COL26A1: variants seen among roughly 807,000 people sequenced by gnomAD.
The protein encoded by COL26A1 is collagen type XXVI alpha 1 chain, also known as collagen alpha-1(XXVI) chain.
COL26A1 carries 41 observed loss-of-function variants against 59.3 expected under a neutral mutation model. The observed-to-expected ratio is 0.69, with a 90% CI of 0.54 to 0.90. The LOEUF (loss-of-function observed/expected upper bound fraction) is 0.90. Ranked by LOEUF, COL26A1 falls within the 40% of genes least tolerant of loss-of-function variation. The probability of loss-of-function intolerance (pLI) is 0.00; values close to 1 mark genes in which losing one functional copy is unlikely to be tolerated. For missense variants in COL26A1, 612 were observed against 602.3 expected (o/e 1.02, Z -0.17); for synonymous variants, 266 against 256.0 (o/e 1.04, Z -0.37).
At chr7:101,446,142 T>C (rs1027169740) in intron 2 of COL26A1, among the ~76,000 whole-genome samples, 8 of 151,578 alleles carry the variant, frequency 5.3e-5, no homozygotes, top group African/African-American at 1.9e-4. Context: ...CAGAACCCAC[T>C]TATCACCAAG....
At chr7:101,473,358 G>C (rs555933772) in intron 3 of COL26A1, among the ~76,000 whole-genome samples, 2 of 152,220 alleles carry the variant, frequency 1.3e-5, no homozygotes, top group East Asian at 3.9e-4. Flanking sequence ...TTACAGGCGT[G>C]AGCCACTGCG....
At chr7:101,444,070 A>G (rs1793125896) in intron 2 of COL26A1, among the ~76,000 whole-genome samples, 1 of 151,560 alleles carries the variant, frequency 6.6e-6, no homozygotes. Context: ...TAGAGACAGC[A>G]TCTTGGTATA....
intron 1 of COL26A1, among the ~76,000 whole-genome samples, chr7:101,393,185 G>A (rs376207729): frequency 6.6e-6 from 1 of 151,906 alleles, no homozygotes; most frequent in African/African-American, 2.4e-5. Context: ...TGTAATTTTA[G>A]TACAGACAGG....
intron 2 of COL26A1, among the ~76,000 whole-genome samples, chr7:101,440,027 C>A (rs913341760): frequency 2.0e-5 from 3 of 152,126 alleles, no homozygotes; most frequent in African/African-American, 7.2e-5. Context: ...TATGTACACC[C>A]TGTTTTTGAG....
chr7:101,381,611 C>T (rs974733186), intron 1 of COL26A1, among the ~76,000 whole-genome samples: 1 of 152,096 alleles, frequency 6.6e-6, no homozygotes, highest in Non-Finnish European at 1.5e-5. Flanking sequence ...AGAGAAAGAG[C>T]GAGAGATTAA....
intron 3 of COL26A1, among the ~76,000 whole-genome samples, chr7:101,507,542 A>G (rs1414301710): frequency 4.6e-5 from 7 of 152,078 alleles, no homozygotes; most frequent in Admixed American, 4.6e-4. Flanking sequence ...CCACTTCCCC[A>G]TCCTGAGTAG....
chr7:101,532,398 TC>T (rs1795389017), intron 3 of COL26A1, among the ~76,000 whole-genome samples: 2 of 152,306 alleles, frequency 1.3e-5, no homozygotes, highest in South Asian at 4.1e-4. Flanking sequence ...CCTTGACCTT[TC>T]CAGCCTTGGC....
chr7:101,392,686 G>A (rs1791762123), intron 1 of COL26A1, among the ~76,000 whole-genome samples: 1 of 152,078 alleles, frequency 6.6e-6, no homozygotes, highest in African/African-American at 2.4e-5. Flanking sequence ...ACAGGGATGA[G>A]CCATTGCACC....
At chr7:101,467,226 A>G (rs1490414689) in intron 3 of COL26A1, among the ~76,000 whole-genome samples, 2 of 151,984 alleles carry the variant, frequency 1.3e-5, no homozygotes, top group Non-Finnish European at 2.9e-5. Flanking sequence ...AATCAAAGAC[A>G]TGGACCCACA....
At position 101,544,099 on chromosome 7, in the gene COL26A1, A is replaced by G. The variant is rs1377348500; in HGVS notation, c.703+3A>G. The G allele has an allele frequency of 1.9e-6, 3 of 1,595,426 alleles. No homozygotes were observed. Among genetic ancestry groups the G allele is most frequent in the Non-Finnish European group, 1.7e-6 (2 of 1,170,836 alleles). The stretch of plus-strand genomic sequence containing the variant: ...GAAGGGTCCAGCGGGGCCGCCTGGT[A>G]AGAAAACCCCCCACATATGTGATGT... On this transcript the variant is annotated splice_donor_region_variant and intron_variant, in intron 6 of 12. Coordinates refer to ENST00000313669, the MANE Select transcript of COL26A1 (RefSeq NM_001278563.3).
chr7:101,481,411 T>TTA lies in COL26A1; in HGVS notation c.385+33639_385+33640dup, dbSNP rs200702862. Among the ~76,000 whole-genome samples the TTA allele has an allele frequency of 4.0e-3, 583 of 144,750 alleles. 4 individuals are homozygous for TTA. The highest frequency in any genetic ancestry group is 0.013 in the African/African-American group (503 of 39,596). The allele number at this position is 144,750 out of a possible 152,430, so 95.0% of individuals were successfully genotyped here. ...GAACTCAGCTATGCATTTATCACAA[T>TTA]TATATATATATATATAATTATATAG... On this transcript the variant is annotated intron_variant, in intron 3 of 12. Transcript: ENST00000313669.
At chr7:101,374,963 AG>A (rs140840019) in intron 1 of COL26A1, among the ~76,000 whole-genome samples, 3,552 of 152,168 alleles carry the variant, frequency 0.023, 61 homozygotes, top group Middle Eastern at 0.037. Flanking sequence ...TGGGAGGCTG[AG>A]GCAGGAGAAT....
chr7:101,408,145 T>C (rs1792170118), intron 1 of COL26A1, among the ~76,000 whole-genome samples: 1 of 152,326 alleles, frequency 6.6e-6, no homozygotes. Flanking sequence ...TCACCTATAC[T>C]GCATCAGTGG....
intron 12 of COL26A1, among the ~76,000 whole-genome samples, chr7:101,556,891 GA>G (rs1584513114): frequency 6.8e-6 from 1 of 148,068 alleles, no homozygotes; most frequent in South Asian, 2.2e-4. Flanking sequence ...ATGAATGACT[GA>G]GTGGATGGAT....
At chr7:101,531,451 A>G (rs17135594) in intron 3 of COL26A1, among the ~76,000 whole-genome samples, 1,902 of 152,350 alleles carry the variant, frequency 0.012, 29 homozygotes, top group African/African-American at 0.044. Flanking sequence ...TTCAGTGTTT[A>G]TACCTCAGTC....
chr7:101,538,972 C>G (rs545233327), intron 4 of COL26A1, among the ~76,000 whole-genome samples: 1 of 152,368 alleles, frequency 6.6e-6, no homozygotes, highest in African/African-American at 2.4e-5. Flanking sequence ...GAGCCTATTT[C>G]TGGCACACAG....
intron 3 of COL26A1, among the ~76,000 whole-genome samples, chr7:101,466,237 A>G (rs559311814): frequency 6.6e-6 from 1 of 152,230 alleles, no homozygotes; most frequent in Admixed American, 6.6e-5. Flanking sequence ...GCTCATCTAT[A>G]AAGTGAGCAC....
At chr7:101,391,022 A>G (rs1170331419) in intron 1 of COL26A1, among the ~76,000 whole-genome samples, 1 of 152,184 alleles carries the variant, frequency 6.6e-6, no homozygotes, top group Non-Finnish European at 1.5e-5. Flanking sequence ...CCTGCTAACC[A>G]AAGCCTTCTG....
At chr7:101,463,251 A>G (rs999369876) in intron 3 of COL26A1, among the ~76,000 whole-genome samples, 1 of 152,214 alleles carries the variant, frequency 6.6e-6, no homozygotes, top group Non-Finnish European at 1.5e-5. Context: ...GATGCCTCAT[A>G]TAAGTGAAAT....
Sources: allele counts gnomAD v4.1 joint callset (sites outside exome capture counted in the v4.1 genomes callset), GRCh38; gene constraint gnomAD v4.1.1; transcripts MANE v1.5; gene names NCBI Gene and HGNC (gene_info 2026-07-23, HGNC 2026-07-21).